Variants in DNAJC13 observed in about 807,000 individuals in gnomAD.
DNAJC13 encodes the protein dnaJ homolog subfamily C member 13.
A neutral mutation model predicts 290.5 loss-of-function variants in DNAJC13; 75 were observed. The observed-to-expected ratio is 0.26, with a 90% confidence interval of 0.21 to 0.31. The LOEUF (loss-of-function observed/expected upper bound fraction) is 0.31. Among genes scored for constraint, DNAJC13 ranks in the 10% least tolerant of loss-of-function variants. DNAJC13 has a pLI of 1.00. For missense variants in DNAJC13, 2,260 were observed against 2,674.5 expected (o/e 0.85, Z 3.42); for synonymous variants, 862 against 892.0 (o/e 0.97, Z 0.60).
At chr3:132,514,733 C>G (rs971512652) in intron 46 of DNAJC13, 63 bp downstream of exon 46, 1 of 1,191,564 alleles carries the variant, frequency 8.4e-7, no homozygotes, top group Admixed American at 1.9e-5. Context: ...GGAGTTGTTG[C>G]ATAGTTGATA....
chr3:132,532,498 C>T (rs1275733421), intron 55 of DNAJC13, among the ~76,000 whole-genome samples: 1 of 152,138 alleles, frequency 6.6e-6, no homozygotes, highest in Non-Finnish European at 1.5e-5. Context: ...TTTCCATCCC[C>T]TGTCCCTCAT....
At chr3:132,457,153 T>TA (rs1193679882) in intron 12 of DNAJC13, 116 bp from the exon 13 acceptor site, 2 of 779,816 alleles carry the variant, frequency 2.6e-6, no homozygotes, top group Non-Finnish European at 4.0e-6. Context: ...AGGTGGAATT[T>TA]AAAATACGTC....
chr3:132,454,516 T>G (rs1464844528), intron 9 of DNAJC13, among the ~76,000 whole-genome samples: 1 of 151,778 alleles, frequency 6.6e-6, no homozygotes, highest in Admixed American at 6.6e-5. Context: ...TTTTTTGTAT[T>G]TTTAGTAGAG....
chr3:132,492,638 G>T (rs1433309864), intron 33 of DNAJC13, 23 bp downstream of exon 33: 1 of 1,603,314 alleles, frequency 6.2e-7, no homozygotes, highest in Admixed American at 1.7e-5. Flanking sequence ...TTTAATTTGT[G>T]CCACCTTAAG....
chr3:132,433,627 A>G (rs1241850546), intron 1 of DNAJC13, among the ~76,000 whole-genome samples: 1 of 152,210 alleles, frequency 6.6e-6, no homozygotes, highest in East Asian at 1.9e-4. Flanking sequence ...TTGAAGTGGT[A>G]GTGTCAGCAA....
At chr3:132,500,679 T>C in intron 38 of DNAJC13, 115 bp from the exon 39 acceptor site, 1 of 1,354,846 alleles carries the variant, frequency 7.4e-7, no homozygotes. Flanking sequence ...TTTTGGAACA[T>C]TGTATATACC....
chr3:132,492,414 G>A lies in DNAJC13; in HGVS notation c.3624G>A (p.Arg1208=), dbSNP rs748591951. ...TGAATGGAGGTTTTTATGATTGTAGGCGCCTGATGATAGAGAAGATTGCTG... is the reference window on the plus strand; with the variant it reads ...TGAATGGAGGTTTTTATGATTGTAGACGCCTGATGATAGAGAAGATTGCTG... ...TPEAIWSSEM[R]RLMIEKIAAH... is the part of the protein sequence containing the mutation. Residue 1208 remains arginine, a splice_region_variant and synonymous_variant, in exon 33 of 56, where the codon AGG becomes AGA. Transcript: ENST00000260818. The A allele has an allele frequency of 1.9e-6, 3 of 1,613,392 alleles. No homozygotes were observed. The highest frequency in any genetic ancestry group is 2.7e-5 in the African/African-American group (2 of 74,804).
intron 15 of DNAJC13, 123 bp from the exon 16 acceptor site, chr3:132,462,344 C>A: frequency 2.4e-6 from 2 of 837,224 alleles, no homozygotes; most frequent in Non-Finnish European, 1.9e-6. Flanking sequence ...GAGATGTATC[C>A]TTTACTAATT....
intron 5 of DNAJC13, among the ~76,000 whole-genome samples, chr3:132,449,779 A>G (rs923636714): frequency 6.6e-6 from 1 of 152,158 alleles, no homozygotes; most frequent in Non-Finnish European, 1.5e-5. Flanking sequence ...GTAATTGACC[A>G]TGTATCCCAC....
intron 26 of DNAJC13, among the ~76,000 whole-genome samples, chr3:132,481,774 A>G (rs1238369299): frequency 1.3e-5 from 2 of 152,190 alleles, no homozygotes; most frequent in Non-Finnish European, 1.5e-5. Context: ...TAATGCTTTG[A>G]TCTCAGATAC....
intron 1 of DNAJC13, among the ~76,000 whole-genome samples, chr3:132,421,473 TGTGA>T (rs759414122): frequency 3.3e-5 from 5 of 152,326 alleles, no homozygotes; most frequent in Admixed American, 6.5e-5. Context: ...TTTTTGTGTG[TGTGA>T]GAGACAATCT....
chr3:132,420,084 T>C (rs1435873508), intron 1 of DNAJC13, among the ~76,000 whole-genome samples: 1 of 152,226 alleles, frequency 6.6e-6, no homozygotes, highest in South Asian at 2.1e-4. Flanking sequence ...GAGACAGTGC[T>C]TACAGAGAGT....
chr3:132,451,593 A>G (rs918450903), intron 6 of DNAJC13, among the ~76,000 whole-genome samples: 2 of 152,160 alleles, frequency 1.3e-5, no homozygotes, highest in African/African-American at 4.8e-5. Flanking sequence ...TGTGCGGTAG[A>G]GAAAGTCTCC....
chr3:132,429,824 GC>G (rs1939195375), intron 1 of DNAJC13, among the ~76,000 whole-genome samples: 1 of 152,100 alleles, frequency 6.6e-6, no homozygotes, highest in African/African-American at 2.4e-5. Context: ...TTGAAGACAG[GC>G]TTTTCAAATA....
At chr3:132,535,878 C>A (rs894892167) in intron 55 of DNAJC13, among the ~76,000 whole-genome samples, 4 of 152,050 alleles carry the variant, frequency 2.6e-5, no homozygotes, top group African/African-American at 4.8e-5. Flanking sequence ...CCAGACACAT[C>A]CTCAAGGAGA....
intron 1 of DNAJC13, among the ~76,000 whole-genome samples, chr3:132,426,282 A>G (rs1041441933): frequency 1.3e-5 from 2 of 152,196 alleles, no homozygotes; most frequent in African/African-American, 4.8e-5. Flanking sequence ...CTGACTCGCA[A>G]AAATTGGAGA....
At chr3:132,431,614 T>TA (rs2107646784) in intron 1 of DNAJC13, among the ~76,000 whole-genome samples, 1 of 152,310 alleles carries the variant, frequency 6.6e-6, no homozygotes, top group South Asian at 2.1e-4. Flanking sequence ...GGGTATCTTT[T>TA]AAAAAATGTT....
At position 132,473,002 on chromosome 3, in the gene DNAJC13, A is replaced by G. The variant is rs1934336024; in HGVS notation, c.2209-143A>G. The G allele has an allele frequency of 1.6e-5, 10 of 629,968 alleles. No homozygotes were observed. In the South Asian group the frequency reaches 1.9e-4, roughly 12 times the overall value. 39.0% of individuals were successfully genotyped at this position (629,968 alleles called of 1,614,324 possible). On this transcript the variant is annotated intron_variant, in intron 20 of 55. Coordinates refer to ENST00000260818, the MANE Select transcript of DNAJC13 (RefSeq NM_015268.4). ...TCCTGTATTTATATTCATGTTTTATAGATTTTATTTATTCCGTTAATTTTT... is the reference window on the plus strand; with the variant it reads ...TCCTGTATTTATATTCATGTTTTATGGATTTTATTTATTCCGTTAATTTTT...
At chr3:132,464,034 C>T (rs1933895859) in intron 17 of DNAJC13, among the ~76,000 whole-genome samples, 2 of 152,004 alleles carry the variant, frequency 1.3e-5, no homozygotes, top group African/African-American at 2.4e-5. Flanking sequence ...TTTTTTTCCC[C>T]GACCTATTAT....
Sources: allele counts gnomAD v4.1 joint callset (sites outside exome capture counted in the v4.1 genomes callset), GRCh38; gene constraint gnomAD v4.1.1; transcripts MANE v1.5; gene names NCBI Gene and HGNC (gene_info 2026-07-23, HGNC 2026-07-21).